The following AKAP8 variants were observed in gnomAD, a reference collection of about 807,000 sequenced individuals.
AKAP8 encodes A-kinase anchoring protein 8, also known as A-kinase anchor protein 8.
Under a neutral mutation model 67.5 loss-of-function variants are expected in AKAP8, and 24 were observed. The observed-to-expected ratio is 0.36, with a 90% CI of 0.26 to 0.50. The LOEUF (loss-of-function observed/expected upper bound fraction) is 0.50, where lower values mean the gene tolerates loss of function less well. Ranked by LOEUF, AKAP8 falls within the 20% of genes least tolerant of loss-of-function variation. The pLI, the probability that AKAP8 is intolerant of heterozygous loss-of-function variation, is 0.97. For synonymous variants in AKAP8, 400 were observed against 371.1 expected, an observed-to-expected ratio of 1.08 and a Z score of -0.90; for missense variants, 971 against 955.9, an observed-to-expected ratio of 1.02 and a Z score of -0.21.
At position 15,372,903 on chromosome 19, in the gene AKAP8, G is replaced by A. The variant is rs763893708; in HGVS notation, c.809C>T (p.Thr270Ile). The A allele has an allele frequency of 4.0e-6, 6 of 1,517,290 alleles. No individual in the cohort carries two copies. In the South Asian group the frequency reaches 7.9e-5, roughly 20 times the overall value. The allele number at this position is 1,517,290 out of a possible 1,614,324, so 94.0% of individuals were successfully genotyped here. Reference sequence around the variant, plus strand: ...CGAGCGGCCACATCCGTAGGGCATGGTGCTGTCATAGCCGCCCGCCCCCTG... The same window carrying A: ...CGAGCGGCCACATCCGTAGGGCATGATGCTGTCATAGCCGCCCGCCCCCTG... ...GMQGAGGYDS[T>I]MPYGCGRSQP... Residue 270 changes from threonine (T) to isoleucine (I), a missense_variant, in exon 5 of 14, where the codon ACC becomes ATC. Physicochemically the swap from Thr to Ile is moderately conservative, Grantham distance 89. Coordinates refer to ENST00000269701, the MANE Select transcript of AKAP8 (RefSeq NM_005858.4).
At chr19:15,368,637 A>G in intron 8 of AKAP8, 1 of 985,084 alleles carries the variant, frequency 1.0e-6, no homozygotes, top group Non-Finnish European at 1.2e-6. Flanking sequence ...CTGCTTGTCC[A>G]ATCTCATGCC....
chr19:15,374,473 G>C, intron 3 of AKAP8, 130 bp downstream of exon 3: 1 of 1,135,658 alleles, frequency 8.8e-7, no homozygotes. Flanking sequence ...AACAGCAGCC[G>C]TGGCTGACTG....
chr19:15,358,929 G>T (rs769760386), intron 13 of AKAP8, 38 bp downstream of exon 13: 1 of 1,589,436 alleles, frequency 6.3e-7, no homozygotes, highest in Non-Finnish European at 8.6e-7. Flanking sequence ...CTTCCCTTTT[G>T]AAAGCTTTTC....
intron 8 of AKAP8, 175 bp from the exon 9 acceptor site, chr19:15,368,497 G>A (rs538489575): frequency 5.0e-5 from 49 of 985,288 alleles, no homozygotes; most frequent in Non-Finnish European, 5.5e-5. Flanking sequence ...TGGTGGACAC[G>A]GGCCTGGAGT....
At position 15,355,151 on chromosome 19, in the gene AKAP8, C is replaced by T; in HGVS notation, c.1843G>A (p.Ala615Thr). The T allele has an allele frequency of 1.2e-6, 2 of 1,613,100 alleles. No homozygotes were observed. The highest frequency in any genetic ancestry group is 1.7e-6 in the Non-Finnish European group (2 of 1,180,030). Reference sequence around the variant, plus strand: ...TGTTCGGCTTGAGGATCACTACCGGCCTCCGCTGTGTCCGTGGGGCCTTCG... The same window carrying T: ...TGTTCGGCTTGAGGATCACTACCGGTCTCCGCTGTGTCCGTGGGGCCTTCG... ...EDEGPTDTAE[A>T]GSDPQAEQLL... Residue 615 changes from alanine (A) to threonine (T), a missense_variant, in exon 14 of 14, where the codon GCC becomes ACC. Transcript: ENST00000269701.
At chr19:15,372,745 G>A (rs541240263) in intron 5 of AKAP8, 106 bp downstream of exon 5, 45 of 1,357,686 alleles carry the variant, frequency 3.3e-5, no homozygotes, top group Middle Eastern at 1.9e-4. Context: ...GTCGAACTGC[G>A]CACTTAAAAA....
chr19:15,379,315 C>A lies in AKAP8; in HGVS notation c.19+398G>T, dbSNP rs573214940. 30 of 213,548 alleles carry A rather than the reference C, an allele frequency of 1.4e-4. 2 individuals are homozygous for A. The South Asian group carries it at 3.4e-3, about 24-fold the overall frequency. 13.2% of individuals were successfully genotyped at this position (213,548 alleles called of 1,614,324 possible). A position where few individuals can be genotyped will look rare whatever the true frequency, so the allele number is the denominator to read the frequency against. ...CTCACAACCCCACGCTGTAGCTCCG[C>A]CCCCCTAGCGCCGCCATTTTGTGGC... On this transcript the variant is annotated intron_variant, in intron 1 of 13. Transcript: ENST00000269701.
intron 10 of AKAP8, 50 bp from the exon 11 acceptor site, chr19:15,361,872 TG>T: frequency 3.2e-6 from 5 of 1,544,638 alleles, no homozygotes; most frequent in Non-Finnish European, 4.5e-6. Context: ...TGGGCGCATG[TG>T]GGCATTTCTC....
At position 15,370,167 on chromosome 19, in the gene AKAP8, A is replaced by G. The variant is rs778447463; in HGVS notation, c.1051T>C (p.Cys351Arg). Reference protein sequence around the residue: ...DEEFKGEDELCDSGRQRGEKE... With the variant: ...DEEFKGEDELRDSGRQRGEKE... Reference sequence around the variant, plus strand: ...CTACCTCTTTGCCTCCCAGAGTCGCAGAGTTCATCCTCCTGGAAAAGAGTA... The same window carrying G: ...CTACCTCTTTGCCTCCCAGAGTCGCGGAGTTCATCCTCCTGGAAAAGAGTA... The change falls in exon 8 of 14, where the codon TGC becomes CGC. Residue 351 changes from cysteine (C) to arginine (R), a missense_variant. By Grantham distance (180) the Cys-to-Arg change is radical. Coordinates refer to ENST00000269701, the MANE Select transcript of AKAP8 (RefSeq NM_005858.4). The G allele has an allele frequency of 1.2e-6, 2 of 1,614,150 alleles. No homozygotes were observed. The highest frequency in any genetic ancestry group is 1.7e-6 in the Non-Finnish European group (2 of 1,180,010).
intron 8 of AKAP8, 88 bp downstream of exon 8, chr19:15,370,057 CA>C (rs1203411664): frequency 1.3e-6 from 2 of 1,532,348 alleles, no homozygotes. Flanking sequence ...CCCCTCCATC[CA>C]GGCCCCTGGC....
chr19:15,379,684 C>A lies in AKAP8; in HGVS notation c.19+29G>T, dbSNP rs761682850. ...GTCGCCCGCACAGAGCCTTCCCTCC[C>A]CGCTCCGCACCCAGCAGCCAACACA... On this transcript the variant is annotated intron_variant, in intron 1 of 13. Transcript: ENST00000269701. 1.2e-5 allele frequency: 19 copies of A among 1,604,800 alleles called. 1 individual carries two copies. The East Asian group carries it at 4.1e-4, about 35-fold the overall frequency.
At chr19:15,379,432 C>CT (rs1967329372) in intron 1 of AKAP8, 1 of 411,734 alleles carries the variant, frequency 2.4e-6, no homozygotes, top group African/African-American at 2.1e-5. Context: ...ACGGCCCACA[C>CT]TGTCTAAGAC....
intron 9 of AKAP8, among the ~76,000 whole-genome samples, chr19:15,363,467 C>T (rs1253706261): frequency 4.2e-5 from 6 of 143,686 alleles, no homozygotes; most frequent in Non-Finnish European, 4.6e-5. Context: ...CCAGCCGCCC[C>T]GTCCGGGAGG....
intron 9 of AKAP8, among the ~76,000 whole-genome samples, chr19:15,367,018 C>T (rs746456115): frequency 1.3e-5 from 2 of 152,196 alleles, no homozygotes; most frequent in Non-Finnish European, 2.9e-5. Context: ...AGTGATTCTC[C>T]TGCCTCAGCC....
chr19:15,355,983 G>A (rs2048275887), intron 13 of AKAP8, among the ~76,000 whole-genome samples: 1 of 152,050 alleles, frequency 6.6e-6, no homozygotes, highest in Non-Finnish European at 1.5e-5. Context: ...TGATCCGCCT[G>A]CCTTGGCCTC....
rs114172777 is a variant in AKAP8, at chr19:15,360,603, A to C, written c.1527+245T>G. Among the ~76,000 whole-genome samples the C allele has an allele frequency of 9.9e-3, 1,509 of 152,290 alleles. 23 individuals carry two copies. The highest frequency in any genetic ancestry group is 0.034 in the African/African-American group (1,429 of 41,558). On this transcript the variant is annotated intron_variant, in intron 12 of 13. Transcript: ENST00000269701. ...AGCCCCCAGGCCTTCCGCTAGTGGG[A>C]AAACTGACCAACGTGGAAACACTAT...
chr19:15,374,477 C>T, intron 3 of AKAP8, 126 bp downstream of exon 3: 1 of 1,185,620 alleles, frequency 8.4e-7, no homozygotes, highest in Non-Finnish European at 1.2e-6. Flanking sequence ...GCAGCCGTGG[C>T]TGACTGCGTC....
chr19:15,376,189 G>A (rs1054660127), intron 2 of AKAP8, among the ~76,000 whole-genome samples: 2 of 152,154 alleles, frequency 1.3e-5, no homozygotes, highest in African/African-American at 2.4e-5. Context: ...CAAAGTGCTG[G>A]GATTGCAGGC....
rs754389775 is a variant in AKAP8 at position 15,355,209 on chromosome 19, G to A, written c.1785C>T (p.Pro595=). 24 of 1,611,266 alleles carry A rather than the reference G, an allele frequency of 1.5e-5. No individual in the cohort carries two copies. Among genetic ancestry groups the A allele is most frequent in the Middle Eastern group, 3.3e-4 (2 of 6,084 alleles). Residue 595 remains proline, a synonymous_variant, in exon 14 of 14, where the codon CCC becomes CCT. Transcript: ENST00000269701. The part of the protein sequence containing the change: ...AVRAVDGEGA[P]APESSGEPAE... The stretch of plus-strand genomic sequence containing the variant: ...CCGGCTCCCCGCTGCTCTCTGGAGC[G>A]GGCGCTCCTTCCCCATCTACGGCCC...
Sources: gnomAD v4.1 joint callset for allele counts (sites outside exome capture counted in the v4.1 genomes callset) on GRCh38, gnomAD v4.1.1 for gene constraint, MANE v1.5 for transcripts, NCBI Gene and HGNC (gene_info 2026-07-23, HGNC 2026-07-21) for gene names.